The following MACROD2 variants were observed in gnomAD, a reference collection of about 807,000 sequenced individuals.
MACROD2 encodes the protein mono-ADP ribosylhydrolase 2, also known as ADP-ribose glycohydrolase MACROD2.
MACROD2 carries 36 observed loss-of-function variants against 70.4 expected under a neutral mutation model. The observed-to-expected ratio is 0.51, with a 90% CI of 0.39 to 0.68. The LOEUF (loss-of-function observed/expected upper bound fraction) is 0.68. Among genes scored for constraint, MACROD2 ranks in the 30% least tolerant of loss-of-function variants. The probability of loss-of-function intolerance (pLI) is 0.00; values close to 1 mark genes in which losing one functional copy is unlikely to be tolerated. For synonymous variants in MACROD2, 172 were observed against 178.8 expected (o/e 0.96, Z 0.30); for missense variants, 496 against 538.4 (o/e 0.92, Z 0.78).
intron 8 of MACROD2, among the ~76,000 whole-genome samples, chr20:15,522,494 A>G (rs953854961): frequency 1.3e-4 from 20 of 152,358 alleles, no homozygotes; most frequent in African/African-American, 4.8e-4. Context: ...GTGTGTGTAT[A>G]TACAAACAAT....
chr20:14,555,644 T>C (rs940437089), intron 4 of MACROD2, among the ~76,000 whole-genome samples: 7 of 152,084 alleles, frequency 4.6e-5, no homozygotes, highest in African/African-American at 1.7e-4. Flanking sequence ...ATATTCCTTT[T>C]GTTCTCATAA....
intron 8 of MACROD2, among the ~76,000 whole-genome samples, chr20:15,826,314 G>A (rs1427366085): frequency 6.6e-6 from 1 of 152,140 alleles, no homozygotes; most frequent in Non-Finnish European, 1.5e-5. Flanking sequence ...AGTGGCAGTG[G>A]GAGGTGTTGG....
intron 8 of MACROD2, among the ~76,000 whole-genome samples, chr20:15,693,374 A>G (rs927722652): frequency 2.6e-5 from 4 of 152,124 alleles, no homozygotes; most frequent in Non-Finnish European, 5.9e-5. Flanking sequence ...TTAGGTATGT[A>G]GTAGTATTTT....
chr20:15,438,752 A>G (rs922683981), intron 7 of MACROD2, among the ~76,000 whole-genome samples: 1 of 152,190 alleles, frequency 6.6e-6, no homozygotes, highest in Non-Finnish European at 1.5e-5. Context: ...TCACTTCTGC[A>G]TATCCTTTGC....
chr20:15,277,093 C>G (rs540991601), intron 6 of MACROD2, among the ~76,000 whole-genome samples: 1 of 152,084 alleles, frequency 6.6e-6, no homozygotes, highest in African/African-American at 2.4e-5. Context: ...TGACAACTTC[C>G]GTATTTCCTC....
At chr20:15,373,540 G>A (rs1388649292) in intron 6 of MACROD2, among the ~76,000 whole-genome samples, 1 of 152,096 alleles carries the variant, frequency 6.6e-6, no homozygotes, top group African/African-American at 2.4e-5. Flanking sequence ...AAGTAGCTTG[G>A]ACTACAGGCA....
chr20:15,415,959 G>C (rs889614458), intron 6 of MACROD2, among the ~76,000 whole-genome samples: 1 of 152,150 alleles, frequency 6.6e-6, no homozygotes, highest in Non-Finnish European at 1.5e-5. Context: ...ATCTCCCAGT[G>C]TGGGAGCCAA....
At chr20:14,253,362 A>C (rs542492295) in intron 3 of MACROD2, among the ~76,000 whole-genome samples, 1 of 152,156 alleles carries the variant, frequency 6.6e-6, no homozygotes, top group African/African-American at 2.4e-5. Flanking sequence ...TAATGCTTAA[A>C]GTATGTTCTC....
At chr20:14,571,711 AG>A (rs1980204911) in intron 4 of MACROD2, among the ~76,000 whole-genome samples, 1 of 152,102 alleles carries the variant, frequency 6.6e-6, no homozygotes, top group African/African-American at 2.4e-5. Flanking sequence ...GTTCTTTGAT[AG>A]GCATTCTATT....
intron 5 of MACROD2, among the ~76,000 whole-genome samples, chr20:14,860,672 C>A (rs1242610358): frequency 6.6e-6 from 1 of 152,050 alleles, no homozygotes; most frequent in East Asian, 1.9e-4. Flanking sequence ...GGTAAGCAAT[C>A]CTTTCACATA....
Position 14,282,375 on chromosome 20 carries a change from G to A in MACROD2, c.271+196647G>A, listed in dbSNP as rs185626530. Among the ~76,000 whole-genome samples the A allele has an allele frequency of 7.3e-4, 111 of 152,288 alleles. 1 individual carries two copies. Among genetic ancestry groups the A allele is most frequent in the African/African-American group, 2.6e-3 (110 of 41,558 alleles). On this transcript the variant is annotated intron_variant, in intron 3 of 17. Coordinates refer to ENST00000684519, the MANE Select transcript of MACROD2 (RefSeq NM_001351661.2). ...AAAGGTTAGACTGGGCTAGGAAGTT[G>A]AAGATGACTGACTCACGTGGCTGGC...
Position 15,610,991 on chromosome 20 carries a change from C to CTTTTTTTTTT in MACROD2, c.645+111160_645+111169dup, listed in dbSNP as rs34495725. Among the ~76,000 whole-genome samples, 307 of 60,112 alleles carry CTTTTTTTTTT rather than the reference C, an allele frequency of 5.1e-3. 37 individuals carry two copies. Among genetic ancestry groups the CTTTTTTTTTT allele is most frequent in the African/African-American group, 0.012 (200 of 16,022 alleles). The allele number at this position is 60,112 out of a possible 152,430, so 39.4% of individuals were successfully genotyped here. ...CTTTTTATGTCTTTTAGCCAAAAAT[C>CTTTTTTTTTT]TTTTTTTTTTTTTTTTTTTTTTTTT... On this transcript the variant is annotated intron_variant, in intron 8 of 17. Coordinates refer to ENST00000684519, the MANE Select transcript of MACROD2 (RefSeq NM_001351661.2).
intron 8 of MACROD2, among the ~76,000 whole-genome samples, chr20:15,713,426 G>T (rs576740275): frequency 1.3e-5 from 2 of 152,272 alleles, no homozygotes; most frequent in South Asian, 4.1e-4. Flanking sequence ...AGTTTAATTT[G>T]CTCATGGTTC....
chr20:14,118,386 T>G (rs1225512667), intron 3 of MACROD2, among the ~76,000 whole-genome samples: 2 of 152,228 alleles, frequency 1.3e-5, no homozygotes, highest in Non-Finnish European at 2.9e-5. Context: ...CCACTGGCAT[T>G]CTTTTGCATA....
chr20:15,892,348 C>T (rs914113957), intron 10 of MACROD2, among the ~76,000 whole-genome samples: 3 of 152,168 alleles, frequency 2.0e-5, no homozygotes, highest in Non-Finnish European at 4.4e-5. Context: ...TGACACTGTC[C>T]TCAGACTTTA....
At position 15,573,718 on chromosome 20, in the gene MACROD2, C is replaced by T. The variant is rs187295087; in HGVS notation, c.645+73871C>T. Among the ~76,000 whole-genome samples the T allele has an allele frequency of 1.8e-3, 275 of 152,164 alleles. 3 individuals carry two copies. The highest frequency in any genetic ancestry group is 6.0e-3 in the African/African-American group (249 of 41,522). On this transcript the variant is annotated intron_variant, in intron 8 of 17. Transcript: ENST00000684519. ...CAAGCAACCCCCTTGTGAGCCTCCC[C>T]CTTCTGAATCTCCTTCCCTATTTTC...
intron 5 of MACROD2, among the ~76,000 whole-genome samples, chr20:15,088,091 A>G (rs1428622373): frequency 2.6e-5 from 4 of 151,900 alleles, no homozygotes; most frequent in South Asian, 2.1e-4. Flanking sequence ...AAACATTGCA[A>G]ATTAATCAGA....
chr20:15,951,634 CAT>C (rs1396632251), intron 12 of MACROD2, among the ~76,000 whole-genome samples: 1 of 152,082 alleles, frequency 6.6e-6, no homozygotes, highest in Non-Finnish European at 1.5e-5. Flanking sequence ...CTCACATAAA[CAT>C]ATATGTGTAC....
At chr20:14,816,927 G>A (rs766458159) in intron 5 of MACROD2, among the ~76,000 whole-genome samples, 1 of 151,808 alleles carries the variant, frequency 6.6e-6, no homozygotes, top group Non-Finnish European at 1.5e-5. Context: ...TAGCTACATA[G>A]AATCGAAATA....
Sources: allele counts gnomAD v4.1 joint callset (sites outside exome capture counted in the v4.1 genomes callset), GRCh38; gene constraint gnomAD v4.1.1; transcripts MANE v1.5; gene names NCBI Gene and HGNC (gene_info 2026-07-23, HGNC 2026-07-21).